RALYL: variants seen among roughly 807,000 people sequenced by gnomAD.
RALYL encodes the protein RALY RNA binding protein like.
In RALYL, 29 loss-of-function variants were observed where a neutral mutation model predicts 35.1. The ratio of observed to expected loss-of-function variants is 0.83; its 90% CI spans 0.61 to 1.13. The LOEUF (loss-of-function observed/expected upper bound fraction) is 1.13, where lower values mean the gene tolerates loss of function less well. RALYL is among the 50% of genes most tolerant of loss of function. RALYL has a pLI of 0.00. For missense variants in RALYL, 359 were observed against 360.4 expected, an observed-to-expected ratio of 1.00 and a Z score of 0.03; for synonymous variants, 120 against 127.6, an observed-to-expected ratio of 0.94 and a Z score of 0.40.
chr8:84,807,788 A>G (rs962360699), intron 4 of RALYL, among the ~76,000 whole-genome samples: 13 of 151,904 alleles, frequency 8.6e-5, no homozygotes, highest in Non-Finnish European at 1.5e-5. Context: ...ATTTTTTCAT[A>G]TGTTTCTTGG....
intron 2 of RALYL, among the ~76,000 whole-genome samples, chr8:84,644,063 TA>T (rs767629658): frequency 4.6e-5 from 7 of 152,002 alleles, no homozygotes; most frequent in Non-Finnish European, 8.8e-5. Context: ...TACAGTTAGA[TA>T]AATGTGCATG....
chr8:84,505,118 G>A (rs2057051410), intron 1 of RALYL, among the ~76,000 whole-genome samples: 3 of 152,032 alleles, frequency 2.0e-5, no homozygotes, highest in South Asian at 4.1e-4. Context: ...ATGAGTGCAC[G>A]AACAATACAC....
intron 2 of RALYL, among the ~76,000 whole-genome samples, chr8:84,649,246 T>C (rs1404120756): frequency 6.6e-6 from 1 of 152,134 alleles, no homozygotes; most frequent in African/African-American, 2.4e-5. Flanking sequence ...TTCACTCTGA[T>C]GGTAGTTTCT....
Position 84,390,280 on chromosome 8 carries a change from C to T in RALYL, c.-23-139019C>T, listed in dbSNP as rs567045771. On this transcript the variant is annotated intron_variant, in intron 1 of 8. Transcript: ENST00000521268. ...TGAGGATTTTTGCATCAATGTTCATCAAGGATATTGGTCCAAAATTCTCTT... is the reference window on the plus strand; with the variant it reads ...TGAGGATTTTTGCATCAATGTTCATTAAGGATATTGGTCCAAAATTCTCTT... Among the ~76,000 whole-genome samples, 6 of 152,218 alleles carry T rather than the reference C, an allele frequency of 3.9e-5. No homozygotes were observed. In the South Asian group the frequency reaches 1.2e-3, roughly 32 times the overall value.
intron 1 of RALYL, among the ~76,000 whole-genome samples, chr8:84,447,831 TA>T (rs1208632299): frequency 6.6e-6 from 1 of 152,006 alleles, no homozygotes; most frequent in African/African-American, 2.4e-5. Context: ...GTTTGTTCAT[TA>T]AAGAAAATCT....
intron 1 of RALYL, among the ~76,000 whole-genome samples, chr8:84,500,873 A>G (rs901757418): frequency 2.0e-5 from 3 of 152,164 alleles, no homozygotes; most frequent in Non-Finnish European, 4.4e-5. Context: ...CTGTCAAATA[A>G]TTAATTTTGT....
chr8:84,393,209 T>A (rs373876922), intron 1 of RALYL, among the ~76,000 whole-genome samples: 1 of 152,042 alleles, frequency 6.6e-6, no homozygotes, highest in African/African-American at 2.4e-5. Context: ...CACTCAGGCC[T>A]GGGATCTCAT....
intron 1 of RALYL, among the ~76,000 whole-genome samples, chr8:84,344,326 T>C (rs1048865215): frequency 2.0e-5 from 3 of 152,106 alleles, no homozygotes; most frequent in African/African-American, 4.8e-5. Context: ...CTTTAAACTT[T>C]ATAATTGTAT....
chr8:84,545,345 A>G (rs988534958), intron 2 of RALYL, among the ~76,000 whole-genome samples: 48 of 152,166 alleles, frequency 3.2e-4, no homozygotes, highest in African/African-American at 1.2e-3. Context: ...TAGTTTTATC[A>G]TCTGGCTGGA....
At chr8:84,776,910 A>G (rs1009219487) in intron 3 of RALYL, among the ~76,000 whole-genome samples, 2 of 152,208 alleles carry the variant, frequency 1.3e-5, no homozygotes, top group African/African-American at 2.4e-5. Context: ...TCCTCCTTTT[A>G]TCTGTTTACA....
intron 1 of RALYL, among the ~76,000 whole-genome samples, chr8:84,211,935 G>A (rs75210684): frequency 0.011 from 1,641 of 152,176 alleles, 39 homozygotes; most frequent in African/African-American, 0.038. Flanking sequence ...CACATTGCAC[G>A]AATTGTATCG....
chr8:84,432,979 A>T (rs1181779708), intron 1 of RALYL, among the ~76,000 whole-genome samples: 2 of 152,132 alleles, frequency 1.3e-5, no homozygotes, highest in East Asian at 3.9e-4. Context: ...TCTTACACAC[A>T]TACATATATA....
chr8:84,221,287 G>A (rs1822139921), intron 1 of RALYL, among the ~76,000 whole-genome samples: 1 of 56,736 alleles, frequency 1.8e-5, no homozygotes, highest in Admixed American at 1.5e-4. Flanking sequence ...TGGAAAGCGG[G>A]TGTGTGTGTG....
intron 2 of RALYL, among the ~76,000 whole-genome samples, chr8:84,557,255 C>T (rs1397697023): frequency 2.0e-5 from 3 of 152,204 alleles, no homozygotes; most frequent in South Asian, 2.1e-4. Context: ...ATTGTTTCCT[C>T]GAAGGAGAGA....
At chr8:84,472,200 T>G (rs2052857085) in intron 1 of RALYL, among the ~76,000 whole-genome samples, 1 of 152,208 alleles carries the variant, frequency 6.6e-6, no homozygotes, top group African/African-American at 2.4e-5. Flanking sequence ...ATTCATTCAT[T>G]TATTCATTAT....
intron 2 of RALYL, among the ~76,000 whole-genome samples, chr8:84,591,876 A>G (rs924879358): frequency 6.6e-6 from 1 of 152,194 alleles, no homozygotes; most frequent in African/African-American, 2.4e-5. Context: ...ATCTGTATCT[A>G]GAATTGGCAG....
intron 6 of RALYL, among the ~76,000 whole-genome samples, chr8:84,866,947 G>A (rs886732299): frequency 1.2e-4 from 19 of 152,124 alleles, no homozygotes; most frequent in Non-Finnish European, 4.4e-5. Flanking sequence ...TATGATGGGT[G>A]GCATTAGTTG....
intron 1 of RALYL, among the ~76,000 whole-genome samples, chr8:84,518,021 A>G (rs968834910): frequency 2.0e-4 from 31 of 152,156 alleles, no homozygotes; most frequent in African/African-American, 7.5e-4. Flanking sequence ...AAACATTCTA[A>G]AAAACTAAGG....
intron 1 of RALYL, among the ~76,000 whole-genome samples, chr8:84,343,930 T>C (rs993567671): frequency 6.6e-6 from 1 of 151,876 alleles, no homozygotes; most frequent in Admixed American, 6.6e-5. Context: ...AAATAACTTA[T>C]ATAAAAGTTT....
Sources: allele counts gnomAD v4.1 joint callset (sites outside exome capture counted in the v4.1 genomes callset), GRCh38; gene constraint gnomAD v4.1.1; transcripts MANE v1.5; gene names NCBI Gene and HGNC (gene_info 2026-07-23, HGNC 2026-07-21).